The following WWOX variants were observed in gnomAD, a reference collection of about 807,000 sequenced individuals.
The protein encoded by WWOX is WW domain containing oxidoreductase, also known as WW domain-containing oxidoreductase.
In WWOX, 69 loss-of-function variants were observed where a neutral mutation model predicts 46.2. The ratio of observed to expected loss-of-function variants is 1.49; its 90% CI spans 1.23 to 1.82. The LOEUF is 1.82. WWOX is among the 40% of genes most tolerant of loss of function. The pLI, the probability that WWOX is intolerant of heterozygous loss-of-function variation, is 0.00. For missense variants in WWOX, 919 were observed against 542.6 expected (o/e 1.69, Z -6.89); for synonymous variants, 359 against 202.6 (o/e 1.77, Z -6.56).
intron 6 of WWOX, among the ~76,000 whole-genome samples, chr16:78,394,681 G>C (rs961060971): frequency 6.6e-6 from 1 of 152,212 alleles, no homozygotes. Flanking sequence ...GATCTCTGTT[G>C]CAACTGCTTG....
At chr16:78,762,020 C>G (rs150537803) in intron 8 of WWOX, among the ~76,000 whole-genome samples, 315 of 152,272 alleles carry the variant, frequency 2.1e-3, no homozygotes, top group Non-Finnish European at 3.4e-3. Flanking sequence ...ATGAGAATTT[C>G]TTAGATTGAA....
At position 79,140,404 on chromosome 16, in the gene WWOX, T is replaced by C. The variant is rs568998536; in HGVS notation, c.1057-71204T>C. Among the ~76,000 whole-genome samples, 16 of 152,328 alleles carry C rather than the reference T, an allele frequency of 1.1e-4. No individual in the cohort carries two copies. In the South Asian group the frequency reaches 2.3e-3, roughly 22 times the overall value. ...AGCATCCGCCAGCTCTTATAATCACTTGCCCTTTGCTGATGGTGAGTTTTT... is the reference window on the plus strand; with the variant it reads ...AGCATCCGCCAGCTCTTATAATCACCTGCCCTTTGCTGATGGTGAGTTTTT... On this transcript the variant is annotated intron_variant, in intron 8 of 8. Coordinates refer to ENST00000566780, the MANE Select transcript of WWOX (RefSeq NM_016373.4).
intron 8 of WWOX, among the ~76,000 whole-genome samples, chr16:79,049,363 G>A (rs866736708): frequency 4.6e-5 from 7 of 152,176 alleles, no homozygotes; most frequent in African/African-American, 1.4e-4. Flanking sequence ...GGATTTATTC[G>A]GCACAATTGA....
chr16:78,906,552 G>A (rs868461559), intron 8 of WWOX, among the ~76,000 whole-genome samples: 2 of 152,136 alleles, frequency 1.3e-5, no homozygotes, highest in Admixed American at 6.5e-5. Flanking sequence ...GGCTTCCAAA[G>A]AGAACTGCAT....
At chr16:78,686,034 A>G (rs1039193170) in intron 8 of WWOX, among the ~76,000 whole-genome samples, 7 of 152,210 alleles carry the variant, frequency 4.6e-5, no homozygotes, top group African/African-American at 1.7e-4. Context: ...GAAGAAATAA[A>G]GAGAATGAGA....
chr16:78,309,536 A>G (rs1362067282), intron 5 of WWOX, among the ~76,000 whole-genome samples: 1 of 152,138 alleles, frequency 6.6e-6, no homozygotes, highest in Non-Finnish European at 1.5e-5. Context: ...CCTTACATAT[A>G]TTGATAGAAG....
At chr16:78,797,556 C>G (rs2050776147) in intron 8 of WWOX, among the ~76,000 whole-genome samples, 1 of 152,076 alleles carries the variant, frequency 6.6e-6, no homozygotes, top group Admixed American at 6.5e-5. Context: ...TCCAGTCTGG[C>G]TGCTTTTTCA....
intron 8 of WWOX, among the ~76,000 whole-genome samples, chr16:78,743,606 C>A (rs1034473816): frequency 3.9e-5 from 6 of 152,166 alleles, no homozygotes; most frequent in African/African-American, 1.4e-4. Flanking sequence ...AGAGGCTACT[C>A]CCTCTGCAAC....
chr16:78,586,386 C>G (rs2045208893), intron 8 of WWOX, among the ~76,000 whole-genome samples: 1 of 152,092 alleles, frequency 6.6e-6, no homozygotes, highest in Admixed American at 6.5e-5. Flanking sequence ...TCTCAGTTTC[C>G]TTCCTGGCAA....
intron 8 of WWOX, among the ~76,000 whole-genome samples, chr16:78,491,645 A>T (rs564059536): frequency 6.6e-6 from 1 of 152,036 alleles, no homozygotes; most frequent in Non-Finnish European, 1.5e-5. Flanking sequence ...CTTGTTTTCA[A>T]TGCAGTATAT....
intron 4 of WWOX, among the ~76,000 whole-genome samples, chr16:78,133,127 T>G (rs1025235658): frequency 1.3e-4 from 20 of 152,226 alleles, no homozygotes; most frequent in African/African-American, 4.6e-4. Flanking sequence ...ATGCCGTGTA[T>G]TACTGGTTAT....
chr16:78,360,453 C>T (rs138250224), intron 5 of WWOX, among the ~76,000 whole-genome samples: 33 of 151,958 alleles, frequency 2.2e-4, no homozygotes, highest in Non-Finnish European at 3.2e-4. Flanking sequence ...GGCATGGCAG[C>T]GCACACCTGT....
At position 78,855,810 on chromosome 16, in the gene WWOX, T is replaced by C. The variant is rs767959583; in HGVS notation, c.1057-355798T>C. Among the ~76,000 whole-genome samples the C allele has an allele frequency of 3.3e-5, 5 of 152,350 alleles. No homozygotes were observed. The South Asian group carries it at 6.2e-4, about 19-fold the overall frequency. ...AGATAGCCTGTTCATTCATCACTTA[T>C]TTCCTGACTTCCACCTTGGGTCTGT... On this transcript the variant is annotated intron_variant, in intron 8 of 8. Coordinates refer to ENST00000566780, the MANE Select transcript of WWOX (RefSeq NM_016373.4).
At chr16:78,505,559 CTGGG>C (rs2085176290) in intron 8 of WWOX, among the ~76,000 whole-genome samples, 1 of 152,176 alleles carries the variant, frequency 6.6e-6, no homozygotes, top group Non-Finnish European at 1.5e-5. Context: ...TAGAGAAGTG[CTGGG>C]CTACAGCGCC....
intron 5 of WWOX, among the ~76,000 whole-genome samples, chr16:78,306,859 C>T (rs1400632172): frequency 6.6e-6 from 1 of 151,972 alleles, no homozygotes; most frequent in East Asian, 1.9e-4. Context: ...CCCACTGAGC[C>T]CCACTCCTTC....
chr16:78,992,407 C>A (rs2046906260), intron 8 of WWOX, among the ~76,000 whole-genome samples: 1 of 152,118 alleles, frequency 6.6e-6, no homozygotes. Flanking sequence ...GCAGAGGTTG[C>A]AGTGAACCCA....
At chr16:79,041,635 C>T (rs919617917) in intron 8 of WWOX, among the ~76,000 whole-genome samples, 2 of 152,120 alleles carry the variant, frequency 1.3e-5, no homozygotes, top group African/African-American at 4.8e-5. Flanking sequence ...GGGTCAGTAG[C>T]AGGCCACCAA....
chr16:79,184,626 A>G (rs1423421562), intron 8 of WWOX, among the ~76,000 whole-genome samples: 1 of 152,174 alleles, frequency 6.6e-6, no homozygotes, highest in Admixed American at 6.5e-5. Context: ...GCCTCTCCTG[A>G]GGGTCAATAT....
intron 5 of WWOX, chr16:78,237,687 A>T (rs932065987): frequency 6.6e-6 from 1 of 152,234 alleles, no homozygotes; most frequent in Non-Finnish European, 1.5e-5. Context: ...AATCATCTGC[A>T]AAAAAGAATA....
Sources: allele counts gnomAD v4.1 joint callset (sites outside exome capture counted in the v4.1 genomes callset), GRCh38; gene constraint gnomAD v4.1.1; transcripts MANE v1.5; gene names NCBI Gene and HGNC (gene_info 2026-07-23, HGNC 2026-07-21).